Variants in NEK11 observed in about 807,000 individuals in gnomAD.
NEK11 encodes the protein NIMA related kinase 11.
A neutral mutation model predicts 80.7 loss-of-function variants in NEK11; 72 were observed. The observed-to-expected ratio is 0.89, with a 90% CI of 0.74 to 1.08. The LOEUF (loss-of-function observed/expected upper bound fraction) is 1.08. Among genes scored for constraint, NEK11 ranks in the 50% least tolerant of loss-of-function variants. The probability of loss-of-function intolerance (pLI) is 0.00; values close to 1 mark genes in which losing one functional copy is unlikely to be tolerated. For missense variants in NEK11, 764 were observed against 763.6 expected, an observed-to-expected ratio of 1.00 and a Z score of -0.01; for synonymous variants, 251 against 260.7, an observed-to-expected ratio of 0.96 and a Z score of 0.36.
chr3:131,341,805 C>A (rs1200045967), intron 17 of NEK11, among the ~76,000 whole-genome samples: 1 of 152,058 alleles, frequency 6.6e-6, no homozygotes, highest in Non-Finnish European at 1.5e-5. Flanking sequence ...AATATGGCTA[C>A]CCTAGATTTC....
rs764383691 is a variant in NEK11, at chr3:131,170,918, G to A, written c.1399+31G>A. On this transcript the variant is annotated intron_variant, in intron 14 of 17. Coordinates refer to ENST00000383366, the MANE Select transcript of NEK11 (RefSeq NM_024800.5). ...TGTTTGCATTGATTTTCAGAAGGATGCTCACAGCTGCTGCACAGGTTGCTG... is the reference window on the plus strand; with the variant it reads ...TGTTTGCATTGATTTTCAGAAGGATACTCACAGCTGCTGCACAGGTTGCTG... The A allele has an allele frequency of 2.7e-6, 4 of 1,502,656 alleles. No homozygotes were observed. In the South Asian group the frequency reaches 3.4e-5, roughly 13 times the overall value. 93.1% of individuals were successfully genotyped at this position (1,502,656 alleles called of 1,614,324 possible).
chr3:131,255,951 G>T (rs1161993670), intron 16 of NEK11, among the ~76,000 whole-genome samples: 1 of 152,164 alleles, frequency 6.6e-6, no homozygotes, highest in Non-Finnish European at 1.5e-5. Context: ...CTGCTTGCCT[G>T]CAGAATAGAG....
chr3:131,067,903 C>T (rs546827246), intron 3 of NEK11, among the ~76,000 whole-genome samples: 22 of 152,210 alleles, frequency 1.4e-4, no homozygotes, highest in Non-Finnish European at 1.8e-4. Context: ...TATTTTAAAA[C>T]GGACGGTTTT....
intron 5 of NEK11, among the ~76,000 whole-genome samples, chr3:131,118,855 T>C (rs2081819355): frequency 6.6e-6 from 1 of 152,178 alleles, no homozygotes; most frequent in Admixed American, 6.5e-5. Flanking sequence ...ATTTGATTCT[T>C]CTCTTTTTTC....
chr3:131,310,716 T>C (rs2109403014), intron 17 of NEK11, among the ~76,000 whole-genome samples: 1 of 152,128 alleles, frequency 6.6e-6, no homozygotes, highest in South Asian at 2.1e-4. Flanking sequence ...AGAAAAAAAA[T>C]ACAGTGTGTA....
rs182943116 is a variant in NEK11 at position 131,180,980 on chromosome 3, G to C, written c.1399+10093G>C. Reference sequence around the variant, plus strand: ...CTTTCTTAGCTCCTCATTTCTGCCAGCTAACGAAAGTTACTATTGTAGGAA... The same window carrying C: ...CTTTCTTAGCTCCTCATTTCTGCCACCTAACGAAAGTTACTATTGTAGGAA... On this transcript the variant is annotated intron_variant, in intron 14 of 17. Transcript: ENST00000383366. 2.4e-3 allele frequency among the ~76,000 whole-genome samples: 367 copies of C among 152,292 alleles called. 2 individuals are homozygous for C. The highest frequency in any genetic ancestry group is 8.3e-3 in the African/African-American group (347 of 41,572).
At chr3:131,306,701 G>A (rs1048017097) in intron 17 of NEK11, among the ~76,000 whole-genome samples, 2 of 152,182 alleles carry the variant, frequency 1.3e-5, no homozygotes, top group South Asian at 4.1e-4. Flanking sequence ...GTTCAAAATG[G>A]TTCCTTCTCT....
intron 17 of NEK11, among the ~76,000 whole-genome samples, chr3:131,276,557 G>T (rs993143667): frequency 6.6e-6 from 1 of 152,098 alleles, no homozygotes; most frequent in East Asian, 1.9e-4. Context: ...ATCTGGATTT[G>T]CCAGTTGTTA....
At chr3:131,084,622 G>A (rs1409503152) in intron 4 of NEK11, among the ~76,000 whole-genome samples, 1 of 152,206 alleles carries the variant, frequency 6.6e-6, no homozygotes, top group African/African-American at 2.4e-5. Flanking sequence ...GGTAGTGGTT[G>A]TGGTGGAGAG....
rs1316081351 is a variant in NEK11, at chr3:131,239,818, AT to A, written c.1561-3616del. On this transcript the variant is annotated intron_variant, in intron 15 of 17. Coordinates refer to ENST00000383366, the MANE Select transcript of NEK11 (RefSeq NM_024800.5). ...TTCTTGTGGCAGCTAGGTAGCTTTCATTCATTCATTCATTCATTCATTCATT... is the reference window on the plus strand; with the variant it reads ...TTCTTGTGGCAGCTAGGTAGCTTTCATCATTCATTCATTCATTCATTCATT... Among the ~76,000 whole-genome samples, 3 of 151,766 alleles carry A rather than the reference AT, an allele frequency of 2.0e-5. No individual in the cohort carries two copies. In the East Asian group the frequency reaches 5.8e-4, roughly 29 times the overall value.
At chr3:131,165,847 C>T (rs944375067) in intron 12 of NEK11, among the ~76,000 whole-genome samples, 1 of 152,180 alleles carries the variant, frequency 6.6e-6, no homozygotes, top group Non-Finnish European at 1.5e-5. Context: ...TTTAATTCCA[C>T]CCATGCTATT....
At chr3:131,124,682 G>A (rs2082988757) in intron 5 of NEK11, among the ~76,000 whole-genome samples, 1 of 152,276 alleles carries the variant, frequency 6.6e-6, no homozygotes, top group African/African-American at 2.4e-5. Context: ...ATTTAACACA[G>A]TTAGTAAATA....
intron 10 of NEK11, among the ~76,000 whole-genome samples, chr3:131,159,148 T>G (rs2149896453): frequency 6.6e-6 from 1 of 152,304 alleles, no homozygotes; most frequent in Non-Finnish European, 1.5e-5. Flanking sequence ...GGATAGCATC[T>G]TCAAAGATTG....
chr3:131,077,675 C>G (rs2074586604), intron 3 of NEK11, among the ~76,000 whole-genome samples: 1 of 152,142 alleles, frequency 6.6e-6, no homozygotes, highest in Non-Finnish European at 1.5e-5. Flanking sequence ...ACCACTGTGA[C>G]TTTTATAACT....
intron 10 of NEK11, among the ~76,000 whole-genome samples, chr3:131,160,007 A>G (rs2091320473): frequency 6.6e-6 from 1 of 152,210 alleles, no homozygotes; most frequent in South Asian, 2.1e-4. Context: ...AGAAACATAG[A>G]AATTTCATCC....
chr3:131,040,778 A>C (rs1292786612), intron 3 of NEK11, among the ~76,000 whole-genome samples: 1 of 152,214 alleles, frequency 6.6e-6, no homozygotes, highest in Non-Finnish European at 1.5e-5. Flanking sequence ...CCAACTTTCT[A>C]AGAGTGGAAA....
chr3:131,216,554 G>A (rs2094841146), intron 14 of NEK11, among the ~76,000 whole-genome samples: 1 of 152,102 alleles, frequency 6.6e-6, no homozygotes, highest in Non-Finnish European at 1.5e-5. Flanking sequence ...CTCAGAATAT[G>A]AGTGTGTTTA....
chr3:131,137,487 A>T (rs1026393314), intron 7 of NEK11, among the ~76,000 whole-genome samples: 15 of 151,986 alleles, frequency 9.9e-5, no homozygotes, highest in Non-Finnish European at 1.9e-4. Context: ...AAAAGAATTA[A>T]TTTTTTTCAC....
intron 12 of NEK11, among the ~76,000 whole-genome samples, chr3:131,167,504 T>C (rs1189894129): frequency 1.3e-5 from 2 of 152,224 alleles, no homozygotes; most frequent in African/African-American, 4.8e-5. Context: ...AAGATCACCA[T>C]GTTTGTGTTC....
Sources: allele counts gnomAD v4.1 joint callset (sites outside exome capture counted in the v4.1 genomes callset), GRCh38; gene constraint gnomAD v4.1.1; transcripts MANE v1.5; gene names NCBI Gene and HGNC (gene_info 2026-07-23, HGNC 2026-07-21).